Variants in PTPN4 observed in about 807,000 individuals in gnomAD.
The protein encoded by PTPN4 is protein tyrosine phosphatase non-receptor type 4, also known as tyrosine-protein phosphatase non-receptor type 4.
Under a neutral mutation model 135.5 loss-of-function variants are expected in PTPN4, and 49 were observed. The observed-to-expected ratio is 0.36, with a 90% CI of 0.29 to 0.46. The LOEUF (loss-of-function observed/expected upper bound fraction) is 0.46. PTPN4 is among the 20% of genes least tolerant of loss of function. PTPN4 has a pLI of 1.00. For missense variants in PTPN4, 860 were observed against 1,101.0 expected (o/e 0.78, Z 3.10); for synonymous variants, 333 against 369.9 (o/e 0.90, Z 1.14).
intron 1 of PTPN4, among the ~76,000 whole-genome samples, chr2:119,788,747 T>C (rs1278265611): frequency 2.0e-5 from 3 of 152,228 alleles, no homozygotes; most frequent in Non-Finnish European, 4.4e-5. Context: ...TTGTAGCATG[T>C]GTCAGAATTG....
intron 2 of PTPN4, among the ~76,000 whole-genome samples, chr2:119,853,919 G>A (rs1033508979): frequency 6.6e-6 from 1 of 151,888 alleles, no homozygotes; most frequent in Admixed American, 6.6e-5. Context: ...TGGTTTCAAG[G>A]TTTCAGTGAG....
chr2:119,926,186 C>A (rs1206712495), intron 12 of PTPN4, among the ~76,000 whole-genome samples: 1 of 152,134 alleles, frequency 6.6e-6, no homozygotes, highest in East Asian at 1.9e-4. Flanking sequence ...GCTCTGAGAA[C>A]TTTTATTAAC....
At chr2:119,820,877 A>G (rs902193203) in intron 2 of PTPN4, among the ~76,000 whole-genome samples, 8 of 111,826 alleles carry the variant, frequency 7.2e-5, no homozygotes, top group Non-Finnish European at 1.5e-4. Context: ...AGCTTTACAT[A>G]CACACATGTG....
chr2:119,921,600 T>C (rs1678737041), intron 12 of PTPN4, among the ~76,000 whole-genome samples: 1 of 150,862 alleles, frequency 6.6e-6, no homozygotes, highest in Admixed American at 6.7e-5. Flanking sequence ...TCCTAAGCAG[T>C]TTGCTGTCAC....
At chr2:119,813,350 C>T (rs1269115538) in intron 2 of PTPN4, among the ~76,000 whole-genome samples, 4 of 151,826 alleles carry the variant, frequency 2.6e-5, no homozygotes, top group Non-Finnish European at 4.4e-5. Context: ...CAGGTTCGAG[C>T]GATTCTCCTG....
intron 2 of PTPN4, among the ~76,000 whole-genome samples, chr2:119,815,693 T>G (rs924815448): frequency 6.6e-6 from 1 of 152,176 alleles, no homozygotes; most frequent in Non-Finnish European, 1.5e-5. Context: ...TCATGTACAT[T>G]ATTTAATAAT....
At chr2:119,914,464 G>T (rs941055746) in intron 10 of PTPN4, among the ~76,000 whole-genome samples, 18 of 152,068 alleles carry the variant, frequency 1.2e-4, no homozygotes, top group African/African-American at 4.1e-4. Context: ...ATTAAAGTGT[G>T]AGAAGTTTAT....
intron 10 of PTPN4, among the ~76,000 whole-genome samples, chr2:119,906,969 G>A (rs187227627): frequency 8.3e-4 from 127 of 152,260 alleles, no homozygotes; most frequent in Non-Finnish European, 1.6e-3. Context: ...TTAAGTTGCA[G>A]GGAACAAAAT....
rs536555698 is a variant in PTPN4 at position 119,982,683 on chromosome 2, A to G, written c.*5613A>G. On this transcript the variant is annotated 3_prime_UTR_variant, in exon 27 of 27. Coordinates refer to ENST00000263708, the MANE Select transcript of PTPN4 (RefSeq NM_002830.4). ...AAATGTGTTGCTGCATGTGTTTACC[A>G]TAGAGAACGTTGCCAGGCTTTGTCA... 2 of 152,290 alleles carry G rather than the reference A, an allele frequency of 1.3e-5. No homozygotes were observed. The highest frequency in any genetic ancestry group is 1.3e-4 in the Admixed American group (2 of 15,290). 9.4% of individuals were successfully genotyped at this position (152,290 alleles called of 1,614,324 possible). A position where few individuals can be genotyped will look rare whatever the true frequency, so the allele number is the denominator to read the frequency against.
At chr2:119,840,251 C>G (rs1306857202) in intron 2 of PTPN4, among the ~76,000 whole-genome samples, 1 of 152,174 alleles carries the variant, frequency 6.6e-6, no homozygotes, top group Non-Finnish European at 1.5e-5. Context: ...TCTTGATACT[C>G]TCCTTCCTCC....
chr2:119,892,361 A>G (rs1209051774), intron 9 of PTPN4, among the ~76,000 whole-genome samples: 1 of 152,220 alleles, frequency 6.6e-6, no homozygotes, highest in African/African-American at 2.4e-5. Context: ...TGAGTTGTAC[A>G]TTTAAGAAAT....
chr2:119,898,239 T>C (rs1678352684), intron 9 of PTPN4, among the ~76,000 whole-genome samples: 2 of 152,214 alleles, frequency 1.3e-5, no homozygotes, highest in African/African-American at 2.4e-5. Context: ...TGTGGGCTAA[T>C]AAAATTTTTA....
At chr2:119,832,129 G>C (rs1051183407) in intron 2 of PTPN4, among the ~76,000 whole-genome samples, 1 of 152,074 alleles carries the variant, frequency 6.6e-6, no homozygotes, top group Non-Finnish European at 1.5e-5. Context: ...TGATTCCCAT[G>C]TATATTCTGT....
At chr2:119,932,627 G>T in intron 14 of PTPN4, 78 bp downstream of exon 14, 1 of 1,427,522 alleles carries the variant, frequency 7.0e-7, no homozygotes, top group Non-Finnish European at 9.5e-7. Flanking sequence ...TTTTATGCCT[G>T]AAGACAAAGA....
chr2:119,765,561 A>G (rs534763127), intron 1 of PTPN4, among the ~76,000 whole-genome samples: 16 of 152,382 alleles, frequency 1.0e-4, no homozygotes, highest in African/African-American at 3.6e-4. Context: ...GATGTAATGA[A>G]CATTCCTTTA....
intron 18 of PTPN4, among the ~76,000 whole-genome samples, chr2:119,950,669 C>G (rs1277478002): frequency 6.6e-6 from 1 of 152,144 alleles, no homozygotes; most frequent in Non-Finnish European, 1.5e-5. Context: ...TAAGATCCAA[C>G]CCCATCATTT....
chr2:119,790,033 T>C (rs1691115872), intron 1 of PTPN4, among the ~76,000 whole-genome samples: 1 of 152,122 alleles, frequency 6.6e-6, no homozygotes, highest in Non-Finnish European at 1.5e-5. Flanking sequence ...TGGCCACCTG[T>C]TACTCATTTC....
chr2:119,811,960 A>G (rs1414111000), intron 2 of PTPN4, among the ~76,000 whole-genome samples: 2 of 152,042 alleles, frequency 1.3e-5, no homozygotes, highest in African/African-American at 4.8e-5. Flanking sequence ...TATATTACCT[A>G]GAATGGTAAG....
intron 10 of PTPN4, among the ~76,000 whole-genome samples, chr2:119,905,782 A>G (rs1272378060): frequency 6.6e-6 from 1 of 152,198 alleles, no homozygotes; most frequent in Non-Finnish European, 1.5e-5. Flanking sequence ...ACCACAATGG[A>G]ATAAAACTAG....
Sources: gnomAD v4.1 joint callset for allele counts (sites outside exome capture counted in the v4.1 genomes callset) on GRCh38, gnomAD v4.1.1 for gene constraint, MANE v1.5 for transcripts, NCBI Gene and HGNC (gene_info 2026-07-23, HGNC 2026-07-21) for gene names.